Variants in BMPR2 observed in about 807,000 individuals in gnomAD.
BMPR2 encodes bone morphogenetic protein receptor type-2.
A neutral mutation model predicts 100.8 loss-of-function variants in BMPR2; 29 were observed. The ratio of observed to expected loss-of-function variants is 0.29; its 90% CI spans 0.21 to 0.39. BMPR2 has a LOEUF of 0.39. Ranked by LOEUF, BMPR2 falls within the 10% of genes least tolerant of loss-of-function variation. The probability of loss-of-function intolerance (pLI) is 1.00; values close to 1 mark genes in which losing one functional copy is unlikely to be tolerated. For missense variants in BMPR2, 1,011 were observed against 1,274.5 expected (o/e 0.79, Z 3.15); for synonymous variants, 382 against 442.3 (o/e 0.86, Z 1.71).
At chr2:202,424,140 G>A (rs1375306036) in intron 1 of BMPR2, among the ~76,000 whole-genome samples, 3 of 150,082 alleles carry the variant, frequency 2.0e-5, no homozygotes, top group Non-Finnish European at 3.0e-5. Flanking sequence ...TTGAGAGGCC[G>A]AGGCGGGCAG....
chr2:202,479,429 C>A (rs1372017884), intron 3 of BMPR2, among the ~76,000 whole-genome samples: 3 of 151,070 alleles, frequency 2.0e-5, no homozygotes, highest in African/African-American at 7.4e-5. Flanking sequence ...ATGTAGATTC[C>A]CATAGAAACT....
chr2:202,561,570 A>G lies in BMPR2; in HGVS notation c.*1624A>G, dbSNP rs1688679546. ...TTTTTTTACTTTTTTTTCGATTATC[A>G]GAGTACTTAGTAAATGTTATATAGT... On this transcript the variant is annotated 3_prime_UTR_variant, in exon 13 of 13. Coordinates refer to ENST00000374580, the MANE Select transcript of BMPR2 (RefSeq NM_001204.7). The G allele has an allele frequency of 6.6e-6, 1 of 152,016 alleles. No homozygotes were observed. The highest frequency in any genetic ancestry group is 1.5e-5 in the Non-Finnish European group (1 of 67,978). 9.4% of individuals were successfully genotyped at this position (152,016 alleles called of 1,614,324 possible).
chr2:202,526,950 G>A (rs545318808), intron 7 of BMPR2, among the ~76,000 whole-genome samples: 197 of 152,060 alleles, frequency 1.3e-3, no homozygotes, highest in African/African-American at 4.5e-3. Context: ...TGCAACCTCC[G>A]CCTCCTGGAT....
chr2:202,535,842 G>A (rs1230158105), intron 9 of BMPR2, among the ~76,000 whole-genome samples: 1 of 152,236 alleles, frequency 6.6e-6, no homozygotes, highest in African/African-American at 2.4e-5. Context: ...CGGCACCTCG[G>A]GAGGCCGAGG....
At chr2:202,432,327 GTTAT>G (rs748723897) in intron 1 of BMPR2, among the ~76,000 whole-genome samples, 64 of 150,796 alleles carry the variant, frequency 4.2e-4, no homozygotes, top group Non-Finnish European at 5.6e-4. Flanking sequence ...TTCCTTGCCG[GTTAT>G]TTGAGATTTT....
chr2:202,500,985 A>G (rs1442732257), intron 3 of BMPR2, among the ~76,000 whole-genome samples: 6 of 152,318 alleles, frequency 3.9e-5, no homozygotes, highest in African/African-American at 1.4e-4. Context: ...GCACTGGCCC[A>G]AGATCTAAGC....
At chr2:202,493,140 C>T (rs1221549786) in intron 3 of BMPR2, among the ~76,000 whole-genome samples, 4 of 152,042 alleles carry the variant, frequency 2.6e-5, no homozygotes, top group Non-Finnish European at 5.9e-5. Context: ...TTGTGAGTCT[C>T]GTGAATTTTC....
In BMPR2 at chr2:202,547,537, C is replaced by T. The variant is rs139790353; in HGVS notation, c.1413+5090C>T. Among the ~76,000 whole-genome samples, 4 of 152,178 alleles carry T rather than the reference C, an allele frequency of 2.6e-5. No individual in the cohort carries two copies. The East Asian group carries it at 5.8e-4, about 22-fold the overall frequency. On this transcript the variant is annotated intron_variant, in intron 10 of 12. Transcript: ENST00000374580. The stretch of plus-strand genomic sequence containing the variant: ...GTGGCTCACGCCTGTAATCCCAGCA[C>T]TTTGGGAGGCTGGGGCATGTGGATT...
chr2:202,490,847 A>G (rs528945382), intron 3 of BMPR2, among the ~76,000 whole-genome samples: 22 of 152,314 alleles, frequency 1.4e-4, no homozygotes, highest in African/African-American at 5.3e-4. Flanking sequence ...TGCCCTTGAT[A>G]TTGTTACTTC....
In BMPR2 at chr2:202,542,307, A is replaced by G. The variant is rs747856797; in HGVS notation, c.1277-4A>G. On this transcript the variant is annotated splice_region_variant and splice_polypyrimidine_tract_variant and intron_variant, in intron 9 of 12. Coordinates refer to ENST00000374580, the MANE Select transcript of BMPR2 (RefSeq NM_001204.7). ...TTCTGTCATTCTTTTCTACAAATCC[A>G]CAGGGGAATCCGTACCAGAGTACCA... is the stretch of plus-strand genomic sequence containing the variant. 16 of 1,613,716 alleles carry G rather than the reference A, an allele frequency of 9.9e-6. No homozygotes were observed. Among genetic ancestry groups the G allele is most frequent in the Non-Finnish European group, 1.3e-5 (15 of 1,179,804 alleles).
Position 202,489,029 on chromosome 2 carries a change from T to C in BMPR2, c.418+21340T>C, listed in dbSNP as rs372519867. ...TTTTTTTTTTTTTTTGAGGTGGAGT[T>C]TTGCTCTTGTCGCCCAGGCTGGAAT... On this transcript the variant is annotated intron_variant, in intron 3 of 12. Transcript: ENST00000374580. Among the ~76,000 whole-genome samples the C allele has an allele frequency of 3.1e-3, 468 of 151,570 alleles. 2 individuals carry two copies. Among genetic ancestry groups the C allele is most frequent in the African/African-American group, 0.011 (454 of 41,324 alleles).
chr2:202,424,646 A>G (rs901195992), intron 1 of BMPR2, among the ~76,000 whole-genome samples: 14 of 152,162 alleles, frequency 9.2e-5, no homozygotes, highest in African/African-American at 2.9e-4. Flanking sequence ...CAGTGAGCTG[A>G]GATCGCTCCA....
Position 202,555,472 on chromosome 2 carries a change from A to G in BMPR2, c.1807A>G (p.Thr603Ala), listed in dbSNP as rs781330190. Residue 603 changes from threonine (T) to alanine (A), a missense_variant, in exon 12 of 13, where the codon ACA (threonine) becomes GCA (alanine). By Grantham distance (58) the Thr-to-Ala change is moderately conservative. This residue lies in a region of BMPR2 where 508 missense variants were observed against 552.0 expected (regional missense o/e 0.92). Coordinates refer to ENST00000374580, the MANE Select transcript of BMPR2 (RefSeq NM_001204.7). ...QAQARIPSPE[T>A]SVTSLSTNTT... Reference sequence around the variant, plus strand: ...ACAAGCTCGAATCCCCAGCCCTGAAACAAGTGTCACCAGCCTCTCCACCAA... The same window carrying G: ...ACAAGCTCGAATCCCCAGCCCTGAAGCAAGTGTCACCAGCCTCTCCACCAA... The G allele has an allele frequency of 1.9e-6, 3 of 1,614,130 alleles. No homozygotes were observed. Among genetic ancestry groups the G allele is most frequent in the Non-Finnish European group, 1.7e-6 (2 of 1,180,014 alleles).
At chr2:202,422,419 G>A (rs1465782796) in intron 1 of BMPR2, among the ~76,000 whole-genome samples, 2 of 151,966 alleles carry the variant, frequency 1.3e-5, no homozygotes, top group Non-Finnish European at 2.9e-5. Context: ...CCATTCTCCT[G>A]CCTCAGCCTC....
At chr2:202,393,571 C>T (rs113690556) in intron 1 of BMPR2, among the ~76,000 whole-genome samples, 4,979 of 152,204 alleles carry the variant, frequency 0.033, 109 homozygotes, top group Middle Eastern at 0.061. Flanking sequence ...GTTGGGGCTA[C>T]AGCTGAGAGC....
intron 2 of BMPR2, chr2:202,467,196 G>A: frequency 3.0e-6 from 1 of 338,652 alleles, no homozygotes; most frequent in East Asian, 8.0e-5. Flanking sequence ...CCGGGAGGTG[G>A]AGATTGCAGT....
chr2:202,384,820 C>G (rs1472951403), intron 1 of BMPR2, among the ~76,000 whole-genome samples: 1 of 151,780 alleles, frequency 6.6e-6, no homozygotes, highest in African/African-American at 2.4e-5. Flanking sequence ...CTCGAACTCC[C>G]GACCTCAGGT....
intron 1 of BMPR2, among the ~76,000 whole-genome samples, chr2:202,457,140 A>G (rs547718832): frequency 6.6e-6 from 1 of 151,994 alleles, no homozygotes; most frequent in South Asian, 2.1e-4. Flanking sequence ...CTACCTACCT[A>G]CCTATCAATC....
In BMPR2 at chr2:202,555,667, C is replaced by T. The variant is rs762980900; in HGVS notation, c.2002C>T (p.Leu668=). The change falls in exon 12 of 13, where the codon CTA becomes TTA. Residue 668 remains leucine (L), a synonymous_variant. Transcript: ENST00000374580. The part of the protein sequence containing the change: ...LTEEDLETNK[L]DPKEVDKNLK... ...AGAAGAAGACTTGGAAACCAACAAG[C>T]TAGACCCAAAAGAAGTTGATAAGAA... is the stretch of plus-strand genomic sequence containing the variant. The T allele has an allele frequency of 6.2e-7, 1 of 1,614,072 alleles. No individual in the cohort carries two copies. The highest frequency in any genetic ancestry group is 1.1e-5 in the South Asian group (1 of 91,084).
Sources: gnomAD v4.1 joint callset for allele counts (sites outside exome capture counted in the v4.1 genomes callset) on GRCh38, gnomAD v4.1.1 for gene constraint, gnomAD v4.1.1 regional missense constraint, MANE v1.5 for transcripts, NCBI Gene and HGNC (gene_info 2026-07-23, HGNC 2026-07-21) for gene names.